Variants in EPHA5 observed in about 807,000 individuals in gnomAD.
EPHA5 encodes the protein EPH receptor A5.
Under a neutral mutation model 105.0 loss-of-function variants are expected in EPHA5, and 60 were observed. The ratio of observed to expected loss-of-function variants is 0.57; its 90% confidence interval spans 0.46 to 0.71. EPHA5 has a LOEUF of 0.71. Ranked by LOEUF, EPHA5 falls within the 30% of genes least tolerant of loss-of-function variation. The probability of loss-of-function intolerance (pLI) is 0.00; values close to 1 mark genes in which losing one functional copy is unlikely to be tolerated. For missense variants in EPHA5, 1,218 were observed against 1,274.7 expected, an observed-to-expected ratio of 0.96 and a Z score of 0.68; for synonymous variants, 513 against 449.1, an observed-to-expected ratio of 1.14 and a Z score of -1.80.
At chr4:65,473,992 G>T (rs1729543492) in intron 5 of EPHA5, among the ~76,000 whole-genome samples, 1 of 150,820 alleles carries the variant, frequency 6.6e-6, no homozygotes, top group African/African-American at 2.4e-5. Context: ...GACACAGGAA[G>T]GGGGACATCA....
chr4:65,618,127 G>A (rs1007922968), intron 2 of EPHA5, among the ~76,000 whole-genome samples: 2 of 152,026 alleles, frequency 1.3e-5, no homozygotes, highest in African/African-American at 4.8e-5. Context: ...CAAACACTGG[G>A]ACACAGATTG....
chr4:65,347,017 T>C (rs76051530), intron 14 of EPHA5, among the ~76,000 whole-genome samples: 27 of 152,230 alleles, frequency 1.8e-4, no homozygotes, highest in African/African-American at 6.0e-4. Flanking sequence ...TAGGATCCAC[T>C]TTTAGGTTGG....
chr4:65,492,977 T>C (rs1476959107), intron 4 of EPHA5, among the ~76,000 whole-genome samples: 1 of 63,824 alleles, frequency 1.6e-5, no homozygotes, highest in East Asian at 9.0e-4. Context: ...GTCAAACTTC[T>C]GTTTTGTTTT....
intron 8 of EPHA5, among the ~76,000 whole-genome samples, chr4:65,403,722 C>A (rs1000398818): frequency 1.3e-5 from 2 of 151,740 alleles, no homozygotes; most frequent in Non-Finnish European, 2.9e-5. Flanking sequence ...GACTTTATCT[C>A]TTTTTGGTAT....
At chr4:65,503,739 G>T (rs1406936997) in intron 3 of EPHA5, among the ~76,000 whole-genome samples, 1 of 151,634 alleles carries the variant, frequency 6.6e-6, no homozygotes, top group Non-Finnish European at 1.5e-5. Context: ...ATATAATTAA[G>T]ACATTTTTCT....
intron 2 of EPHA5, among the ~76,000 whole-genome samples, chr4:65,611,193 G>A (rs557185221): frequency 2.2e-4 from 34 of 152,196 alleles, no homozygotes; most frequent in Admixed American, 4.6e-4. Context: ...CTTTGCAACA[G>A]TCATTGTGAG....
chr4:65,523,549 T>C (rs139262611), intron 3 of EPHA5, among the ~76,000 whole-genome samples: 1 of 151,996 alleles, frequency 6.6e-6, no homozygotes, highest in Non-Finnish European at 1.5e-5. Context: ...GATGAAAAAC[T>C]TTTTATAACC....
In EPHA5 at chr4:65,646,933, A is replaced by G. The variant is rs535978677; in HGVS notation, c.182-3506T>C. Among the ~76,000 whole-genome samples the G allele has an allele frequency of 9.8e-5, 15 of 152,348 alleles. No homozygotes were observed. The South Asian group carries it at 2.7e-3, about 27-fold the overall frequency. On this transcript the variant is annotated intron_variant, in intron 1 of 16. Coordinates refer to ENST00000613740, the MANE Select transcript of EPHA5 (RefSeq NM_001281766.3). ...CTTATATACGCTTCCATAATTTCTCAGTATTCATGACAATATGCATGAAAA... is the reference window on the plus strand; with the variant it reads ...CTTATATACGCTTCCATAATTTCTCGGTATTCATGACAATATGCATGAAAA...
At position 65,322,059 on chromosome 4, in the gene EPHA5, T is replaced by C. The variant is rs1719679572; in HGVS notation, c.*2055A>G. 4.4e-6 allele frequency: 1 copy of C among 226,270 alleles called. No homozygotes were observed. The highest frequency in any genetic ancestry group is 8.8e-6 in the Non-Finnish European group (1 of 113,718). 14.0% of individuals were successfully genotyped at this position (226,270 alleles called of 1,614,324 possible). A position where few individuals can be genotyped will look rare whatever the true frequency, so the allele number is the denominator to read the frequency against. ...CATCTTTAATAATGGTGATGCTTTT[T>C]TATGATTTTATCAAGAAAATATTAA... On this transcript the variant is annotated 3_prime_UTR_variant, in exon 17 of 17. Transcript: ENST00000613740.
At chr4:65,370,881 C>A (rs1306371339) in intron 8 of EPHA5, among the ~76,000 whole-genome samples, 2 of 152,048 alleles carry the variant, frequency 1.3e-5, no homozygotes, top group African/African-American at 4.8e-5. Flanking sequence ...CAAGCCTCAA[C>A]AAGAAACAGC....
intron 3 of EPHA5, among the ~76,000 whole-genome samples, chr4:65,598,645 A>G (rs1743408805): frequency 6.6e-6 from 1 of 152,188 alleles, no homozygotes; most frequent in African/African-American, 2.4e-5. Context: ...ATATATGAGT[A>G]AACAGTGACG....
intron 10 of EPHA5, 72 bp from the exon 11 acceptor site, chr4:65,365,274 T>C: frequency 8.0e-7 from 1 of 1,242,932 alleles, no homozygotes; most frequent in Non-Finnish European, 1.1e-6. Context: ...GTATGCCCTC[T>C]TAGACTACTA....
At chr4:65,653,112 A>T (rs933838469) in intron 1 of EPHA5, among the ~76,000 whole-genome samples, 1 of 152,104 alleles carries the variant, frequency 6.6e-6, no homozygotes, top group African/African-American at 2.4e-5. Flanking sequence ...TACCAAACTT[A>T]AAAACAACCT....
rs190149887 is a variant in EPHA5, at chr4:65,360,501, G to T, written c.2173+4516C>A. Reference sequence around the variant, plus strand: ...ATGCTAGTTTTATGATATTGGATAAGGTATTTAACTTTTTTAATGTTAATT... The same window carrying T: ...ATGCTAGTTTTATGATATTGGATAATGTATTTAACTTTTTTAATGTTAATT... On this transcript the variant is annotated intron_variant, in intron 11 of 16. Transcript: ENST00000613740. 9.6e-3 allele frequency among the ~76,000 whole-genome samples: 1,449 copies of T among 151,596 alleles called. 21 individuals are homozygous for T. Among genetic ancestry groups the T allele is most frequent in the African/African-American group, 0.033 (1,355 of 41,426 alleles).
At position 65,601,834 on chromosome 4, in the gene EPHA5, G is replaced by A. The variant is rs780468296; in HGVS notation, c.717C>T (p.His239=). Residue 239 remains histidine, a synonymous_variant, in exon 3 of 17, where the codon CAC becomes CAT. Transcript: ENST00000613740. ...YYKKCPSVVR[H]LAVFPDTITG... is the part of the protein sequence containing the mutation. The stretch of plus-strand genomic sequence containing the variant: ...TGATGGTGTCAGGGAAGACAGCCAA[G>A]TGTCGTACCACAGAAGGGCATTTTT... The A allele has an allele frequency of 2.4e-5, 39 of 1,614,046 alleles. No individual in the cohort carries two copies. The highest frequency in any genetic ancestry group is 1.7e-4 in the Admixed American group (10 of 59,986).
intron 8 of EPHA5, among the ~76,000 whole-genome samples, chr4:65,380,098 G>T (rs893039175): frequency 9.9e-5 from 15 of 151,730 alleles, no homozygotes; most frequent in African/African-American, 3.4e-4. Context: ...AAACCAAAAT[G>T]TGCTAGAAAT....
chr4:65,651,208 T>C (rs1221820339), intron 1 of EPHA5, among the ~76,000 whole-genome samples: 1 of 152,168 alleles, frequency 6.6e-6, no homozygotes, highest in African/African-American at 2.4e-5. Context: ...GCTTTCAGAT[T>C]AAGGTTGGCA....
intron 8 of EPHA5, among the ~76,000 whole-genome samples, chr4:65,401,732 C>A (rs1721845386): frequency 6.6e-6 from 1 of 152,096 alleles, no homozygotes. Context: ...ATTACACTTT[C>A]ATTAGACAAA....
rs1195999749 is a variant in EPHA5 at position 65,414,364 on chromosome 4, T to C, written c.1607A>G (p.Tyr536Cys). ...TGTACGTGCTCGAATTTGGAAGACA[T>C]AAACTGAAGCTGGTTTCAAGCCCTC... ...TAEGLKPASVYVFQIRARTAA... is the reference protein window; with the variant it reads ...TAEGLKPASVCVFQIRARTAA... Residue 536 changes from tyrosine to cysteine, a missense_variant, in exon 7 of 17, where the codon TAT becomes TGT. By Grantham distance (194) the Tyr-to-Cys change is radical (BLOSUM62 -2). Coordinates refer to ENST00000613740, the MANE Select transcript of EPHA5 (RefSeq NM_001281766.3). The C allele has an allele frequency of 1.9e-6, 3 of 1,613,984 alleles. No homozygotes were observed. The highest frequency in any genetic ancestry group is 1.7e-5 in the Admixed American group (1 of 60,020).
Sources: allele counts gnomAD v4.1 joint callset (sites outside exome capture counted in the v4.1 genomes callset), GRCh38; gene constraint gnomAD v4.1.1; transcripts MANE v1.5; gene names NCBI Gene and HGNC (gene_info 2026-07-23, HGNC 2026-07-21).